The following FTO variants were observed in gnomAD, a reference collection of about 807,000 sequenced individuals.
FTO encodes FTO alpha-ketoglutarate dependent dioxygenase, also known as alpha-ketoglutarate-dependent dioxygenase FTO.
FTO carries 47 observed loss-of-function variants against 63.9 expected under a neutral mutation model. The observed-to-expected ratio is 0.74, with a 90% CI of 0.58 to 0.94. The LOEUF is 0.94. FTO is among the 40% of genes least tolerant of loss of function. The pLI is 0.00. For synonymous variants in FTO, 207 were observed against 224.4 expected (o/e 0.92, Z 0.69); for missense variants, 562 against 618.1 (o/e 0.91, Z 0.96).
intron 3 of FTO, among the ~76,000 whole-genome samples, chr16:53,837,764 G>A (rs1033470785): frequency 6.6e-6 from 1 of 152,136 alleles, no homozygotes; most frequent in Non-Finnish European, 1.5e-5. Context: ...TTGTTGCTAC[G>A]CTGGGAACGT....
intron 8 of FTO, among the ~76,000 whole-genome samples, chr16:54,099,020 A>G (rs1368804791): frequency 6.6e-6 from 1 of 152,226 alleles, no homozygotes; most frequent in Non-Finnish European, 1.5e-5. Flanking sequence ...TTCAAGCAAC[A>G]GGGAAGTCAT....
chr16:54,038,597 C>G (rs1285318605), intron 8 of FTO, among the ~76,000 whole-genome samples: 3 of 152,162 alleles, frequency 2.0e-5, no homozygotes, highest in Admixed American at 2.0e-4. Context: ...CTGTTTGGGT[C>G]ATCTGGGTGG....
At position 53,807,856 on chromosome 16, in the gene FTO, A is replaced by C. The variant is rs762778158; in HGVS notation, c.46-2284A>C. Among the ~76,000 whole-genome samples the C allele has an allele frequency of 3.7e-4, 56 of 152,356 alleles. No individual in the cohort carries two copies. In the Middle Eastern group the frequency reaches 0.014, roughly 37 times the overall value. On this transcript the variant is annotated intron_variant, in intron 1 of 8. Transcript: ENST00000471389. ...TTATGATGGAGTGGAGAAATGTACA[A>C]GTATGGCATGGAAATATCATTGGTT...
chr16:53,957,263 A>G (rs919907076), intron 8 of FTO, among the ~76,000 whole-genome samples: 4 of 152,226 alleles, frequency 2.6e-5, no homozygotes, highest in African/African-American at 9.6e-5. Flanking sequence ...ACGATTTGAC[A>G]GGGACATTTG....
intron 8 of FTO, among the ~76,000 whole-genome samples, chr16:54,015,008 A>G (rs2084406654): frequency 6.8e-6 from 1 of 147,082 alleles, no homozygotes; most frequent in Non-Finnish European, 1.5e-5. Flanking sequence ...GGTACACACC[A>G]CTGCACCTGG....
intron 4 of FTO, among the ~76,000 whole-genome samples, chr16:53,854,531 C>T (rs1403083965): frequency 6.6e-6 from 1 of 152,068 alleles, no homozygotes; most frequent in Non-Finnish European, 1.5e-5. Context: ...AATGTTCCCG[C>T]ACTGTTTTGA....
intron 8 of FTO, among the ~76,000 whole-genome samples, chr16:54,100,043 A>G (rs1181139870): frequency 3.3e-5 from 5 of 152,208 alleles, no homozygotes; most frequent in African/African-American, 1.2e-4. Flanking sequence ...CCTGATCTTA[A>G]GAGTCACCTA....
intron 5 of FTO, among the ~76,000 whole-genome samples, chr16:53,876,531 T>C (rs1422293988): frequency 6.6e-6 from 1 of 152,222 alleles, no homozygotes; most frequent in East Asian, 1.9e-4. Context: ...CTGCAAATCA[T>C]ATATCTCATA....
Position 53,810,141 on chromosome 16 carries a change from A to G in FTO, c.47A>G (p.Lys16Arg), listed in dbSNP as rs2078482563. 6.2e-7 allele frequency: 1 copy of G among 1,604,506 alleles called. No homozygotes were observed. Among genetic ancestry groups the G allele is most frequent in the Admixed American group, 1.7e-5 (1 of 59,986 alleles). ...TATGTAATTATTATTTTCAAACAGA[A>G]ACTGAGGCTTCTTGAAGAGCTTGAA... Reference protein sequence around the residue: ...TAEEREREAKKLRLLEELEDT... With the variant: ...TAEEREREAKRLRLLEELEDT... The change falls in exon 2 of 9, where the codon AAA (lysine) becomes AGA (arginine). Residue 16 changes from lysine (K) to arginine (R), a missense_variant and splice_region_variant. Transcript: ENST00000471389.
chr16:53,809,874 G>A (rs933434922), intron 1 of FTO, among the ~76,000 whole-genome samples: 6 of 152,118 alleles, frequency 3.9e-5, no homozygotes, highest in East Asian at 3.9e-4. Context: ...CCAGGAGTTT[G>A]ATGTTATAGT....
chr16:53,856,151 C>G lies in FTO; in HGVS notation c.895+11853C>G, dbSNP rs180731389. 7.2e-5 allele frequency among the ~76,000 whole-genome samples: 11 copies of G among 151,938 alleles called. No homozygotes were observed. The East Asian group carries it at 2.1e-3, about 29-fold the overall frequency. On this transcript the variant is annotated intron_variant, in intron 4 of 8. Transcript: ENST00000471389. ...TATCCTGTGTGTGTTATTTGCCACT[C>G]CTGTAAAGACAGTGGAAGAATGACT...
At chr16:54,017,061 G>A (rs1214860421) in intron 8 of FTO, among the ~76,000 whole-genome samples, 1 of 152,192 alleles carries the variant, frequency 6.6e-6, no homozygotes, top group Middle Eastern at 3.2e-3. Flanking sequence ...TGATGATGCA[G>A]TAAATCATGA....
chr16:53,905,729 CACCTTGAGAGCAGGG>C (rs2081520432), intron 7 of FTO, among the ~76,000 whole-genome samples: 1 of 152,160 alleles, frequency 6.6e-6, no homozygotes, highest in African/African-American at 2.4e-5. Flanking sequence ...ATTCTATAAG[CACCTTGAGAGCAGGG>C]ACTCTGTCTC....
chr16:53,906,408 ACAGGAAGGCTCCCTCACTTT>A (rs745934237), intron 7 of FTO, among the ~76,000 whole-genome samples: 132 of 152,216 alleles, frequency 8.7e-4, no homozygotes, highest in Admixed American at 1.5e-3. Context: ...TAGCGAATGA[ACAGGAAGGCTCCCTCACTTT>A]AAACGAACAG....
At chr16:53,923,033 C>G (rs1258936520) in intron 7 of FTO, 2 of 152,022 alleles carry the variant, frequency 1.3e-5, no homozygotes, top group African/African-American at 2.4e-5. Context: ...GTAATAGTGA[C>G]GAAGAGTAGA....
At chr16:53,927,064 A>G (rs1266900959) in intron 7 of FTO, among the ~76,000 whole-genome samples, 1 of 152,188 alleles carries the variant, frequency 6.6e-6, no homozygotes, top group Non-Finnish European at 1.5e-5. Flanking sequence ...AGAGGAAGTA[A>G]CATGTTTGGA....
intron 4 of FTO, among the ~76,000 whole-genome samples, chr16:53,871,839 G>C (rs1257610339): frequency 6.6e-6 from 1 of 151,876 alleles, no homozygotes; most frequent in Non-Finnish European, 1.5e-5. Context: ...CAATTCTCCT[G>C]CCTCAGCCTC....
chr16:53,747,169 A>C (rs2076670580), intron 1 of FTO, among the ~76,000 whole-genome samples: 1 of 152,196 alleles, frequency 6.6e-6, no homozygotes, highest in African/African-American at 2.4e-5. Flanking sequence ...TGAACATGGG[A>C]GTGCAGACAT....
intron 1 of FTO, among the ~76,000 whole-genome samples, chr16:53,740,903 C>T (rs2076514121): frequency 6.6e-6 from 1 of 152,186 alleles, no homozygotes; most frequent in Non-Finnish European, 1.5e-5. Context: ...ACTTTCCAAA[C>T]AACATAATCA....
Sources: gnomAD v4.1 joint callset for allele counts (sites outside exome capture counted in the v4.1 genomes callset) on GRCh38, gnomAD v4.1.1 for gene constraint, MANE v1.5 for transcripts, NCBI Gene and HGNC (gene_info 2026-07-23, HGNC 2026-07-21) for gene names.